Variants in ACSM3 observed in about 807,000 individuals in gnomAD.
The protein encoded by ACSM3 is acyl-CoA synthetase medium chain family member 3, also known as acyl-coenzyme A synthetase ACSM3, mitochondrial.
ACSM3 carries 61 observed loss-of-function variants against 74.1 expected under a neutral mutation model. The observed-to-expected ratio is 0.82, with a 90% CI of 0.67 to 1.02. ACSM3 has a LOEUF of 1.02. Ranked by LOEUF, ACSM3 falls within the 50% of genes least tolerant of loss-of-function variation. The pLI is 0.00. For missense variants in ACSM3, 660 were observed against 697.0 expected, an observed-to-expected ratio of 0.95 and a Z score of 0.60; for synonymous variants, 213 against 241.5, an observed-to-expected ratio of 0.88 and a Z score of 1.09.
chr16:20,796,750 T>C lies in ACSM3; in HGVS notation c.1675-136T>C. 4 of 1,511,590 alleles carry C rather than the reference T, an allele frequency of 2.6e-6. No homozygotes were observed. The South Asian group carries it at 5.3e-5, about 20-fold the overall frequency. The allele number at this position is 1,511,590 out of a possible 1,614,324, so 93.6% of individuals were successfully genotyped here. On this transcript the variant is annotated intron_variant, in intron 13 of 13. Transcript: ENST00000289416. ...TCCTAACAATACCCTTTTCCCTATT[T>C]TGGCTGTTACCCAAAACCCATTCCA...
At chr16:20,693,031 A>G (rs1377189596) in intron 1 of ACSM3, among the ~76,000 whole-genome samples, 1 of 152,064 alleles carries the variant, frequency 6.6e-6, no homozygotes, top group Non-Finnish European at 1.5e-5. Flanking sequence ...TTAGCCAGGC[A>G]TGGAAGTGCC....
Position 20,797,477 on chromosome 16 carries a change from A to C in ACSM3, c.*505A>C. 3.7e-6 allele frequency: 4 copies of C among 1,087,560 alleles called. No individual in the cohort carries two copies. The highest frequency in any genetic ancestry group is 4.5e-6 in the Non-Finnish European group (4 of 895,520). 67.4% of individuals were successfully genotyped at this position (1,087,560 alleles called of 1,614,324 possible). A position where few individuals can be genotyped will look rare whatever the true frequency, so the allele number is the denominator to read the frequency against. ...TTTATTAGTCACATTTTTTGCAAATAATTTAAAAATAGTTTAGACTTGTTT... is the reference window on the plus strand; with the variant it reads ...TTTATTAGTCACATTTTTTGCAAATCATTTAAAAATAGTTTAGACTTGTTT... On this transcript the variant is annotated 3_prime_UTR_variant, in exon 14 of 14. Transcript: ENST00000289416.
At chr16:20,786,365 C>A (rs2080475643) in intron 9 of ACSM3, 16 of 991,764 alleles carry the variant, frequency 1.6e-5, no homozygotes, top group Non-Finnish European at 2.2e-5. Context: ...TTGTACCATA[C>A]AGTTCTAAGC....
chr16:20,739,825 A>C (rs1016575025), intron 1 of ACSM3, among the ~76,000 whole-genome samples: 1 of 119,674 alleles, frequency 8.4e-6, no homozygotes, highest in Non-Finnish European at 2.1e-5. Flanking sequence ...TGTCTCAAAA[A>C]AATTAAAAAA....
chr16:20,690,127 G>A (rs1437893322), intron 1 of ACSM3, among the ~76,000 whole-genome samples: 1 of 152,206 alleles, frequency 6.6e-6, no homozygotes, highest in Admixed American at 6.5e-5. Context: ...GGAGGAAGAT[G>A]CCATAAAGGC....
chr16:20,738,852 C>T (rs758658942), intron 1 of ACSM3: 1 of 1,599,526 alleles, frequency 6.3e-7, no homozygotes, highest in East Asian at 2.2e-5. Context: ...CAGGAAGATA[C>T]CCAGATGTTA....
chr16:20,685,080 G>A (rs190413644), intron 1 of ACSM3: 14 of 1,123,186 alleles, frequency 1.2e-5, no homozygotes, highest in African/African-American at 7.7e-5. Flanking sequence ...AAACTGGGGC[G>A]AAGGCTTCAA....
intron 1 of ACSM3, among the ~76,000 whole-genome samples, chr16:20,713,167 G>A (rs1280105750): frequency 6.6e-6 from 1 of 152,128 alleles, no homozygotes; most frequent in Non-Finnish European, 1.5e-5. Context: ...TGGAGATAAT[G>A]ATAGTATCTA....
chr16:20,718,025 A>AGAAGAG (rs1567323358), intron 1 of ACSM3, among the ~76,000 whole-genome samples: 5 of 149,142 alleles, frequency 3.4e-5, no homozygotes, highest in African/African-American at 7.6e-5. Flanking sequence ...AAGAAGAAGA[A>AGAAGAG]GAAAAGAAAG....
At chr16:20,722,342 T>C (rs1208046873) in intron 1 of ACSM3, 1 of 152,230 alleles carries the variant, frequency 6.6e-6, no homozygotes, top group South Asian at 2.1e-4. Context: ...TGATGACTCT[T>C]ATCCTTTAAA....
chr16:20,754,748 T>C (rs1280699902), intron 2 of ACSM3, among the ~76,000 whole-genome samples: 2 of 152,206 alleles, frequency 1.3e-5, no homozygotes, highest in African/African-American at 4.8e-5. Flanking sequence ...CCATGTGCAA[T>C]TCTCCAGAGC....
chr16:20,787,112 C>A (rs2080490965), intron 9 of ACSM3, among the ~76,000 whole-genome samples: 1 of 152,192 alleles, frequency 6.6e-6, no homozygotes, highest in Non-Finnish European at 1.5e-5. Flanking sequence ...ATCAACCGAG[C>A]TTCAAAGCTG....
At chr16:20,748,166 G>GATAA (rs1321584935) in intron 1 of ACSM3, among the ~76,000 whole-genome samples, 1 of 151,106 alleles carries the variant, frequency 6.6e-6, no homozygotes, top group African/African-American at 2.4e-5. Flanking sequence ...TAAATAGATA[G>GATAA]ATAAATAAAT....
chr16:20,678,095 G>A (rs1447966377), intron 1 of ACSM3, among the ~76,000 whole-genome samples: 1 of 152,012 alleles, frequency 6.6e-6, no homozygotes, highest in Admixed American at 6.6e-5. Context: ...AGAAGCCTTA[G>A]CTATGCCTCT....
rs893166868 is a variant in ACSM3 at position 20,790,167 on chromosome 16, T to G, written c.1225-420T>G. Among the ~76,000 whole-genome samples, 3 of 152,170 alleles carry G rather than the reference T, an allele frequency of 2.0e-5. No homozygotes were observed. The highest frequency in any genetic ancestry group is 7.2e-5 in the African/African-American group (3 of 41,440). On this transcript the variant is annotated intron_variant, in intron 9 of 13. Coordinates refer to ENST00000289416, the MANE Select transcript of ACSM3 (RefSeq NM_005622.4). This position sits in a 1 kb window ranked among gnomAD's most constrained non-coding sequence, Gnocchi z 4.0. The stretch of plus-strand genomic sequence containing the variant: ...AATTTAAAGTATATTTAAAATATTT[T>G]TGGGCCAGGTGCAGTGGCTCATGCC...
At chr16:20,788,151 G>GA (rs1219584306) in intron 9 of ACSM3, among the ~76,000 whole-genome samples, 1 of 151,670 alleles carries the variant, frequency 6.6e-6, no homozygotes, top group East Asian at 1.9e-4. Context: ...GCTTATCTAA[G>GA]AAAAAATGGT....
intron 1 of ACSM3, among the ~76,000 whole-genome samples, chr16:20,676,825 AAAAT>A (rs1158197208): frequency 6.6e-6 from 1 of 152,168 alleles, no homozygotes; most frequent in Non-Finnish European, 1.5e-5. Flanking sequence ...AATGCCCCAA[AAAAT>A]AAATAAATAA....
intron 1 of ACSM3, among the ~76,000 whole-genome samples, chr16:20,687,383 G>A (rs1380107284): frequency 6.6e-6 from 1 of 152,082 alleles, no homozygotes; most frequent in East Asian, 1.9e-4. Flanking sequence ...TAGCGAGGTG[G>A]GGCGGGATGC....
chr16:20,738,232 C>T lies in ACSM3; in HGVS notation c.-189-11678C>T, dbSNP rs574809206. 1.5e-3 allele frequency: 754 copies of T among 503,120 alleles called. 1 individual carries two copies. The highest frequency in any genetic ancestry group is 2.2e-3 in the Non-Finnish European group (569 of 258,824). The allele number at this position is 503,120 out of a possible 1,614,324, so 31.2% of individuals were successfully genotyped here. ...ACCGTTGTTAACATTTTTGTGATGT[C>T]CTGAGTTATCCAACCGTAACACCAT... is the stretch of plus-strand genomic sequence containing the variant. On this transcript the variant is annotated intron_variant, in intron 1 of 3. Coordinates refer to the ACSM3 transcript ENST00000561584.
Sources: gnomAD v4.1 joint callset for allele counts (sites outside exome capture counted in the v4.1 genomes callset) on GRCh38, gnomAD v4.1.1 for gene constraint, Gnocchi (gnomAD v3.1) non-coding constraint, MANE v1.5 for transcripts, NCBI Gene and HGNC (gene_info 2026-07-23, HGNC 2026-07-21) for gene names.